ENAH: variants seen among roughly 807,000 people sequenced by gnomAD.
ENAH encodes protein enabled homolog.
A neutral mutation model predicts 78.7 loss-of-function variants in ENAH; 23 were observed. The ratio of observed to expected loss-of-function variants is 0.29; its 90% confidence interval spans 0.21 to 0.41. The LOEUF (loss-of-function observed/expected upper bound fraction) is 0.41, where lower values mean the gene tolerates loss of function less well. ENAH is among the 10% of genes least tolerant of loss of function. ENAH has a pLI of 1.00. For synonymous variants in ENAH, 226 were observed against 241.0 expected (o/e 0.94, Z 0.58); for missense variants, 544 against 691.0 (o/e 0.79, Z 2.39).
At chr1:225,524,938 T>G (rs1046687086) in intron 4 of ENAH, among the ~76,000 whole-genome samples, 2 of 152,134 alleles carry the variant, frequency 1.3e-5, no homozygotes, top group Non-Finnish European at 2.9e-5. Context: ...AATGAACACT[T>G]AGACATGTGC....
At chr1:225,649,397 TA>T (rs563257956) in intron 1 of ENAH, among the ~76,000 whole-genome samples, 9,000 of 142,016 alleles carry the variant, frequency 0.063, 337 homozygotes, top group East Asian at 0.13. Context: ...CTCTTTCAGT[TA>T]AAAAAAAAAA....
intron 1 of ENAH, among the ~76,000 whole-genome samples, chr1:225,569,390 G>A (rs1296747738): frequency 6.6e-6 from 1 of 152,018 alleles, no homozygotes; most frequent in African/African-American, 2.4e-5. Context: ...CGAGTTGATG[G>A]GTGCAGCAAA....
intron 1 of ENAH, among the ~76,000 whole-genome samples, chr1:225,580,909 A>C (rs966319853): frequency 2.0e-5 from 3 of 150,034 alleles, no homozygotes; most frequent in Admixed American, 1.3e-4. Flanking sequence ...TCAAGAAAAA[A>C]ACCAAAAAAA....
chr1:225,613,891 G>A (rs2097007316), intron 1 of ENAH, among the ~76,000 whole-genome samples: 1 of 152,084 alleles, frequency 6.6e-6, no homozygotes, highest in African/African-American at 2.4e-5. Flanking sequence ...AGTCCCAGAA[G>A]ACCACCCCAA....
intron 3 of ENAH, among the ~76,000 whole-genome samples, chr1:225,538,375 T>C (rs997730822): frequency 3.3e-5 from 5 of 152,136 alleles, no homozygotes; most frequent in African/African-American, 1.2e-4. Flanking sequence ...GCATAAGGAT[T>C]ACAAACAGTA....
At chr1:225,500,863 T>TTG in intron 12 of ENAH, 129 bp downstream of exon 12, 1 of 873,050 alleles carries the variant, frequency 1.1e-6, no homozygotes, top group Non-Finnish European at 1.8e-6. Flanking sequence ...ATGCCACTGT[T>TTG]TAATTTGTAT....
chr1:225,614,687 C>G (rs1420409255), intron 1 of ENAH, among the ~76,000 whole-genome samples: 1 of 152,140 alleles, frequency 6.6e-6, no homozygotes, highest in African/African-American at 2.4e-5. Context: ...CTGAAGCTAT[C>G]CAGGAGCCCC....
intron 1 of ENAH, among the ~76,000 whole-genome samples, chr1:225,623,152 G>T (rs1357674361): frequency 6.6e-6 from 1 of 152,176 alleles, no homozygotes; most frequent in Non-Finnish European, 1.5e-5. Context: ...GGATTTAAGA[G>T]ATCTCTGAAA....
intron 1 of ENAH, among the ~76,000 whole-genome samples, chr1:225,584,029 T>A (rs1464131031): frequency 6.6e-6 from 1 of 151,890 alleles, no homozygotes; most frequent in East Asian, 1.9e-4. Flanking sequence ...GGTGCACACC[T>A]GTAATCCCAG....
intron 2 of ENAH, among the ~76,000 whole-genome samples, chr1:225,562,952 A>G (rs1281402371): frequency 6.6e-6 from 1 of 151,850 alleles, no homozygotes; most frequent in Non-Finnish European, 1.5e-5. Flanking sequence ...CAGCCTGGGC[A>G]ACAGAGCAAA....
intron 1 of ENAH, among the ~76,000 whole-genome samples, chr1:225,617,627 CAACTT>C (rs746324525): frequency 3.3e-5 from 5 of 152,164 alleles, no homozygotes; most frequent in Non-Finnish European, 7.3e-5. Flanking sequence ...TCCTTAAACT[CAACTT>C]AATTTGTATC....
rs911837350 is a variant in ENAH, at chr1:225,490,685, TAAA to T, written c.*7087_*7089del. 3.3e-4 allele frequency: 50 copies of T among 152,286 alleles called. No individual in the cohort carries two copies. The highest frequency in any genetic ancestry group is 1.1e-3 in the African/African-American group (47 of 41,566). The allele number at this position is 152,286 out of a possible 1,614,324, so 9.4% of individuals were successfully genotyped here. A position where few individuals can be genotyped will look rare whatever the true frequency, so the allele number is the denominator to read the frequency against. On this transcript the variant is annotated 3_prime_UTR_variant, in exon 14 of 14. Coordinates refer to ENST00000366843, the MANE Select transcript of ENAH (RefSeq NM_018212.6). Reference sequence around the variant, plus strand: ...CCTGAACCTCCCATCCCTCTAGTAATAAAGAAGAAAGGAAATGCTACCTAGATT... The same window carrying T: ...CCTGAACCTCCCATCCCTCTAGTAATGAAGAAAGGAAATGCTACCTAGATT...
Position 225,562,732 on chromosome 1 carries a change from G to T in ENAH, c.171+4517C>A, listed in dbSNP as rs1344338013. On this transcript the variant is annotated intron_variant, in intron 2 of 13. Transcript: ENST00000366843. Reference sequence around the variant, plus strand: ...AAGTAAATGGTGGGTGGTTTTAACAGCTCTTACTATAGAAAGTTTAGATAT... The same window carrying T: ...AAGTAAATGGTGGGTGGTTTTAACATCTCTTACTATAGAAAGTTTAGATAT... Among the ~76,000 whole-genome samples, 5 of 151,758 alleles carry T rather than the reference G, an allele frequency of 3.3e-5. No homozygotes were observed. The East Asian group carries it at 9.6e-4, about 29-fold the overall frequency.
chr1:225,534,237 A>G (rs2096551047), intron 3 of ENAH, among the ~76,000 whole-genome samples: 1 of 152,066 alleles, frequency 6.6e-6, no homozygotes, highest in African/African-American at 2.4e-5. Context: ...AAATGAGGAG[A>G]AAAAGTTACT....
chr1:225,590,629 A>G (rs2096871051), intron 1 of ENAH, among the ~76,000 whole-genome samples: 1 of 151,840 alleles, frequency 6.6e-6, no homozygotes, highest in Non-Finnish European at 1.5e-5. Context: ...GGATACCAAA[A>G]CCATACTGTC....
chr1:225,621,801 C>T (rs1041877417), intron 1 of ENAH, among the ~76,000 whole-genome samples: 9 of 152,156 alleles, frequency 5.9e-5, no homozygotes, highest in African/African-American at 1.9e-4. Flanking sequence ...GCTTCAGTTT[C>T]ACCTAATCAG....
At chr1:225,632,821 A>C (rs1659339142) in intron 1 of ENAH, among the ~76,000 whole-genome samples, 1 of 152,210 alleles carries the variant, frequency 6.6e-6, no homozygotes, top group South Asian at 2.1e-4. Context: ...CCAGTGGAAA[A>C]GTTCAAATTA....
chr1:225,634,986 T>A (rs1245104484), intron 1 of ENAH, among the ~76,000 whole-genome samples: 1 of 152,214 alleles, frequency 6.6e-6, no homozygotes, highest in Non-Finnish European at 1.5e-5. Context: ...TGTCTGCATA[T>A]CAATTTAAGT....
chr1:225,546,020 C>T (rs2096611989), intron 3 of ENAH, among the ~76,000 whole-genome samples: 1 of 149,050 alleles, frequency 6.7e-6, no homozygotes, highest in Admixed American at 6.8e-5. Flanking sequence ...AACTCCCAGG[C>T]TCAAGTGATC....
Sources: gnomAD v4.1 joint callset for allele counts (sites outside exome capture counted in the v4.1 genomes callset) on GRCh38, gnomAD v4.1.1 for gene constraint, MANE v1.5 for transcripts, NCBI Gene and HGNC (gene_info 2026-07-23, HGNC 2026-07-21) for gene names.